MCTP1: variants seen among roughly 807,000 people sequenced by gnomAD.
MCTP1 encodes the protein multiple C2 and transmembrane domain-containing protein 1.
Under a neutral mutation model 120.6 loss-of-function variants are expected in MCTP1, and 69 were observed. The ratio of observed to expected loss-of-function variants is 0.57; its 90% CI spans 0.47 to 0.70. MCTP1 has a LOEUF of 0.70. MCTP1 is among the 30% of genes least tolerant of loss of function. MCTP1 has a pLI of 0.00. For missense variants in MCTP1, 1,203 were observed against 1,248.8 expected, an observed-to-expected ratio of 0.96 and a Z score of 0.55; for synonymous variants, 529 against 493.1, an observed-to-expected ratio of 1.07 and a Z score of -0.96.
chr5:95,007,658 T>C (rs1161379609), intron 2 of MCTP1, among the ~76,000 whole-genome samples: 1 of 152,200 alleles, frequency 6.6e-6, no homozygotes, highest in Non-Finnish European at 1.5e-5. Flanking sequence ...TGTCCTACAA[T>C]TTATTTTTCT....
At chr5:95,179,545 T>C (rs1748379393) in intron 1 of MCTP1, among the ~76,000 whole-genome samples, 1 of 151,976 alleles carries the variant, frequency 6.6e-6, no homozygotes, top group South Asian at 2.1e-4. Context: ...ACAAAACAAT[T>C]ATCAACCAAG....
chr5:95,270,648 G>C (rs1045181299), intron 1 of MCTP1, among the ~76,000 whole-genome samples: 1 of 152,090 alleles, frequency 6.6e-6, no homozygotes, highest in Non-Finnish European at 1.5e-5. Context: ...ATAGACTGCG[G>C]GCCGGGCATA....
In MCTP1 at chr5:95,122,168, G is replaced by C. The variant is rs146708657; in HGVS notation, c.721-104684C>G. The stretch of plus-strand genomic sequence containing the variant: ...AAATTGGATTACATCAAACTGAAAA[G>C]CTTCTGAACAGCCAAGTAAACAATC... On this transcript the variant is annotated intron_variant, in intron 1 of 22. Coordinates refer to ENST00000515393, the MANE Select transcript of MCTP1 (RefSeq NM_024717.7). 8.6e-4 allele frequency among the ~76,000 whole-genome samples: 131 copies of C among 152,154 alleles called. 1 individual carries two copies. The East Asian group carries it at 0.023, about 27-fold the overall frequency.
At chr5:94,978,715 T>G (rs1581671001) in intron 2 of MCTP1, among the ~76,000 whole-genome samples, 1 of 152,034 alleles carries the variant, frequency 6.6e-6, no homozygotes, top group Non-Finnish European at 1.5e-5. Flanking sequence ...GGGAATGGGG[T>G]GTTTCCAGTC....
chr5:94,783,525 T>C (rs760771125), intron 18 of MCTP1, among the ~76,000 whole-genome samples: 6 of 152,046 alleles, frequency 3.9e-5, no homozygotes, highest in Admixed American at 3.3e-4. Context: ...AAACATGACA[T>C]GTTTGGTATT....
intron 17 of MCTP1, chr5:94,826,100 C>G (rs991014252): frequency 2.6e-5 from 8 of 308,696 alleles, no homozygotes; most frequent in Middle Eastern, 4.6e-4. Flanking sequence ...TTCTGTGAAG[C>G]ATTTTCCAAC....
intron 1 of MCTP1, among the ~76,000 whole-genome samples, chr5:95,185,853 G>A (rs1324873087): frequency 2.6e-5 from 4 of 152,112 alleles, no homozygotes; most frequent in Non-Finnish European, 5.9e-5. Context: ...AGCCGGACAT[G>A]GTGGCACGCA....
chr5:95,185,860 C>T (rs139296124), intron 1 of MCTP1, among the ~76,000 whole-genome samples: 2,769 of 152,050 alleles, frequency 0.018, 77 homozygotes, highest in African/African-American at 0.062. Flanking sequence ...CATGGTGGCA[C>T]GCACCTGTAA....
intron 1 of MCTP1, among the ~76,000 whole-genome samples, chr5:95,229,173 G>A (rs979994391): frequency 5.9e-5 from 9 of 152,130 alleles, no homozygotes; most frequent in African/African-American, 2.2e-4. Context: ...TATTTACAAG[G>A]ATACAATTTG....
chr5:95,046,584 C>A (rs1744594848), intron 1 of MCTP1, among the ~76,000 whole-genome samples: 1 of 152,102 alleles, frequency 6.6e-6, no homozygotes, highest in Non-Finnish European at 1.5e-5. Context: ...TCTACCTCAC[C>A]ATTTTCACCT....
intron 1 of MCTP1, among the ~76,000 whole-genome samples, chr5:95,159,414 GC>G (rs1256259234): frequency 6.6e-6 from 1 of 152,122 alleles, no homozygotes; most frequent in Non-Finnish European, 1.5e-5. Context: ...ACTACTGTGT[GC>G]CAAGTATATC....
At chr5:94,941,846 ACC>A (rs1554145263) in intron 4 of MCTP1, among the ~76,000 whole-genome samples, 1 of 151,548 alleles carries the variant, frequency 6.6e-6, no homozygotes, top group South Asian at 2.1e-4. Context: ...AGCAAATACA[ACC>A]AACCTGCCTC....
intron 1 of MCTP1, among the ~76,000 whole-genome samples, chr5:95,020,938 T>A (rs1838091196): frequency 1.3e-5 from 2 of 152,084 alleles, no homozygotes; most frequent in Admixed American, 1.3e-4. Context: ...TACTATACCA[T>A]GTGATTACAA....
chr5:94,785,667 A>G (rs1777519153), intron 18 of MCTP1, among the ~76,000 whole-genome samples: 1 of 152,138 alleles, frequency 6.6e-6, no homozygotes, highest in Non-Finnish European at 1.5e-5. Flanking sequence ...CTATATTTAG[A>G]ACCAATTTTT....
At chr5:95,164,426 T>G (rs1194227964) in intron 1 of MCTP1, among the ~76,000 whole-genome samples, 1 of 152,170 alleles carries the variant, frequency 6.6e-6, no homozygotes, top group Non-Finnish European at 1.5e-5. Context: ...AAACATTTGG[T>G]CAGAAACAAA....
At chr5:94,715,847 A>G (rs1180681856) in intron 19 of MCTP1, among the ~76,000 whole-genome samples, 1 of 152,190 alleles carries the variant, frequency 6.6e-6, no homozygotes, top group Non-Finnish European at 1.5e-5. Context: ...TGTAGATCCA[A>G]TTTCATTACT....
At position 95,151,122 on chromosome 5, in the gene MCTP1, G is replaced by A. The variant is rs552057060; in HGVS notation, c.720+132734C>T. ...TGGGACTACAGGTGTGCACCACCACGCCTGGCTCATATATATATATATATA... is the reference window on the plus strand; with the variant it reads ...TGGGACTACAGGTGTGCACCACCACACCTGGCTCATATATATATATATATA... On this transcript the variant is annotated intron_variant, in intron 1 of 22. Transcript: ENST00000515393. Among the ~76,000 whole-genome samples the A allele has an allele frequency of 5.3e-3, 537 of 101,572 alleles. 3 individuals are homozygous for A. The highest frequency in any genetic ancestry group is 0.016 in the Middle Eastern group (3 of 184). The allele number at this position is 101,572 out of a possible 152,430, so 66.6% of individuals were successfully genotyped here. A position where few individuals can be genotyped will look rare whatever the true frequency, so the allele number is the denominator to read the frequency against.
intron 1 of MCTP1, among the ~76,000 whole-genome samples, chr5:95,215,592 T>C (rs1752951910): frequency 1.3e-5 from 2 of 152,314 alleles, no homozygotes; most frequent in South Asian, 2.1e-4. Flanking sequence ...GTTAGCCTTG[T>C]TGCTATTTTT....
intron 17 of MCTP1, among the ~76,000 whole-genome samples, chr5:94,829,713 A>G (rs1646407351): frequency 6.6e-6 from 1 of 152,186 alleles, no homozygotes; most frequent in Non-Finnish European, 1.5e-5. Context: ...AGATGAGAGA[A>G]AAGTAAGGTA....
Sources: allele counts gnomAD v4.1 joint callset (sites outside exome capture counted in the v4.1 genomes callset), GRCh38; gene constraint gnomAD v4.1.1; transcripts MANE v1.5; gene names NCBI Gene and HGNC (gene_info 2026-07-23, HGNC 2026-07-21).